The following PRKG1 variants were observed in gnomAD, a reference collection of about 807,000 sequenced individuals.
PRKG1 encodes the protein cGMP-dependent protein kinase 1.
PRKG1 carries 35 observed loss-of-function variants against 88.1 expected under a neutral mutation model. That is an observed-to-expected ratio of 0.40 (90% CI 0.30 to 0.53). The LOEUF (loss-of-function observed/expected upper bound fraction) is 0.53, where lower values mean the gene tolerates loss of function less well. PRKG1 is among the 20% of genes least tolerant of loss of function. PRKG1 has a pLI of 0.59. For missense variants in PRKG1, 540 were observed against 839.8 expected (o/e 0.64, Z 4.41); for synonymous variants, 303 against 292.5 (o/e 1.04, Z -0.37).
intron 4 of PRKG1, among the ~76,000 whole-genome samples, chr10:51,856,393 A>G (rs1284912621): frequency 6.6e-6 from 1 of 152,144 alleles, no homozygotes; most frequent in Non-Finnish European, 1.5e-5. Context: ...GTCACATAAC[A>G]AATATTTGTT....
chr10:51,461,464 G>A (rs939383641), intron 2 of PRKG1, among the ~76,000 whole-genome samples: 2 of 152,114 alleles, frequency 1.3e-5, no homozygotes, highest in Admixed American at 1.3e-4. Context: ...AAACCACTAA[G>A]CAAGATACAT....
chr10:51,572,436 C>A lies in PRKG1; in HGVS notation c.592+104600C>A, dbSNP rs1032020242. Among the ~76,000 whole-genome samples the A allele has an allele frequency of 2.0e-5, 3 of 151,614 alleles. No homozygotes were observed. The East Asian group carries it at 5.8e-4, about 29-fold the overall frequency. ...AGAATAGGACTCTTGAGGCTGAGAC[C>A]AGGCAGTATGTTGGAATCTGGGAAT... is the stretch of plus-strand genomic sequence containing the variant. On this transcript the variant is annotated intron_variant, in intron 3 of 17. Coordinates refer to ENST00000373980, the MANE Select transcript of PRKG1 (RefSeq NM_006258.4).
At chr10:52,093,841 A>G (rs1190255327) in intron 7 of PRKG1, among the ~76,000 whole-genome samples, 1 of 152,268 alleles carries the variant, frequency 6.6e-6, no homozygotes, top group East Asian at 1.9e-4. Context: ...AACCTTCTAT[A>G]GTTTTAAACT....
intron 3 of PRKG1, among the ~76,000 whole-genome samples, chr10:51,519,741 C>G (rs1301727138): frequency 6.6e-6 from 1 of 152,088 alleles, no homozygotes. Flanking sequence ...TATATAGGAA[C>G]AGCAAAACCA....
At position 51,816,537 on chromosome 10, in the gene PRKG1, A is replaced by ATGTGTGTG. The variant is rs35430934; in HGVS notation, c.698+11875_698+11882dup. Among the ~76,000 whole-genome samples, 422 of 146,022 alleles carry ATGTGTGTG rather than the reference A, an allele frequency of 2.9e-3. 3 individuals are homozygous for ATGTGTGTG. Among genetic ancestry groups the ATGTGTGTG allele is most frequent in the African/African-American group, 7.6e-3 (305 of 40,224 alleles). On this transcript the variant is annotated intron_variant, in intron 4 of 17. Coordinates refer to ENST00000373980, the MANE Select transcript of PRKG1 (RefSeq NM_006258.4). ...AAAGTTCCTAACATATAATTTTGGC[A>ATGTGTGTG]TGTGTGTGTGTGTGTGTGTGTGTGT...
chr10:51,782,439 T>C (rs1198559900), intron 3 of PRKG1, among the ~76,000 whole-genome samples: 2 of 152,142 alleles, frequency 1.3e-5, no homozygotes, highest in African/African-American at 4.8e-5. Flanking sequence ...CTTCATATCA[T>C]ACGAGGCAGG....
intron 5 of PRKG1, among the ~76,000 whole-genome samples, chr10:51,932,941 G>A (rs1258419327): frequency 6.6e-6 from 1 of 152,034 alleles, no homozygotes; most frequent in Admixed American, 6.6e-5. Context: ...GTGTTTTCTG[G>A]AACTGTTGAC....
intron 3 of PRKG1, among the ~76,000 whole-genome samples, chr10:51,728,752 G>A (rs1842201984): frequency 6.6e-6 from 1 of 152,102 alleles, no homozygotes; most frequent in African/African-American, 2.4e-5. Context: ...ACTTCCAGGA[G>A]CTTAGGTGTA....
At position 51,917,416 on chromosome 10, in the gene PRKG1, G is replaced by A. The variant is rs575667546; in HGVS notation, c.762+9846G>A. ...ATGGTTGTACAACTCTGAATATACC[G>A]AAAACCATTGAATTTATTCTTTACA... On this transcript the variant is annotated intron_variant, in intron 5 of 17. Transcript: ENST00000373980. Among the ~76,000 whole-genome samples the A allele has an allele frequency of 2.7e-3, 411 of 151,516 alleles. 4 individuals are homozygous for A. The highest frequency in any genetic ancestry group is 9.1e-3 in the African/African-American group (374 of 41,262).
chr10:51,496,835 C>G (rs1272609806), intron 3 of PRKG1, among the ~76,000 whole-genome samples: 1 of 152,162 alleles, frequency 6.6e-6, no homozygotes, highest in Non-Finnish European at 1.5e-5. Flanking sequence ...CACTTTGAAG[C>G]TATATTCTGA....
intron 3 of PRKG1, among the ~76,000 whole-genome samples, chr10:51,778,086 T>C (rs568834581): frequency 2.0e-5 from 3 of 152,292 alleles, no homozygotes; most frequent in South Asian, 2.1e-4. Context: ...CAACAGTACA[T>C]TGTTTCTTCA....
intron 1 of PRKG1, among the ~76,000 whole-genome samples, chr10:51,038,824 C>G (rs1017932194): frequency 6.6e-6 from 1 of 152,106 alleles, no homozygotes; most frequent in Non-Finnish European, 1.5e-5. Flanking sequence ...CCCTATTTAC[C>G]CAGTTGTGAT....
chr10:51,947,692 G>A (rs1045826742), intron 5 of PRKG1, among the ~76,000 whole-genome samples: 1 of 152,158 alleles, frequency 6.6e-6, no homozygotes, highest in African/African-American at 2.4e-5. Flanking sequence ...AGCCCTGGGT[G>A]TTGTGGTGTT....
intron 4 of PRKG1, among the ~76,000 whole-genome samples, chr10:51,882,083 A>C (rs17632107): frequency 6.6e-6 from 1 of 152,130 alleles, no homozygotes; most frequent in African/African-American, 2.4e-5. Context: ...TTTAAAGCAT[A>C]AAAAAAGTCC....
intron 3 of PRKG1, among the ~76,000 whole-genome samples, chr10:51,677,640 T>G (rs936551817): frequency 1.3e-5 from 2 of 152,204 alleles, no homozygotes; most frequent in African/African-American, 4.8e-5. Context: ...AAGCACTGTC[T>G]GTAATTCTCC....
At chr10:51,459,023 T>C (rs570478041) in intron 2 of PRKG1, among the ~76,000 whole-genome samples, 3 of 152,296 alleles carry the variant, frequency 2.0e-5, no homozygotes, top group Admixed American at 2.0e-4. Context: ...ATTTGACATC[T>C]TGTGAAATGA....
chr10:51,279,652 G>A (rs547342320), intron 2 of PRKG1, among the ~76,000 whole-genome samples: 2 of 152,136 alleles, frequency 1.3e-5, no homozygotes, highest in East Asian at 1.9e-4. Flanking sequence ...TGTCTCTTTT[G>A]ATCTTTGTTG....
At chr10:52,139,332 T>G (rs923422367) in intron 8 of PRKG1, among the ~76,000 whole-genome samples, 1 of 152,150 alleles carries the variant, frequency 6.6e-6, no homozygotes, top group South Asian at 2.1e-4. Flanking sequence ...GCCTTCCACA[T>G]GTAGCCTCTG....
intron 2 of PRKG1, among the ~76,000 whole-genome samples, chr10:51,334,749 T>G (rs143104664): frequency 4.8e-4 from 73 of 152,254 alleles, no homozygotes; most frequent in African/African-American, 1.4e-3. Flanking sequence ...AACCAGCAGT[T>G]ATTGCTTTCA....
Sources: gnomAD v4.1 joint callset for allele counts (sites outside exome capture counted in the v4.1 genomes callset) on GRCh38, gnomAD v4.1.1 for gene constraint, MANE v1.5 for transcripts, NCBI Gene and HGNC (gene_info 2026-07-23, HGNC 2026-07-21) for gene names.